Variants in TXLNB observed in about 807,000 individuals in gnomAD.
TXLNB encodes taxilin beta.
TXLNB carries 37 observed loss-of-function variants against 57.4 expected under a neutral mutation model. The ratio of observed to expected loss-of-function variants is 0.64; its 90% CI spans 0.50 to 0.85. TXLNB has a LOEUF of 0.85. Among genes scored for constraint, TXLNB ranks in the 40% least tolerant of loss-of-function variants. The pLI, the probability that TXLNB is intolerant of heterozygous loss-of-function variation, is 0.00. For synonymous variants in TXLNB, 302 were observed against 309.6 expected, an observed-to-expected ratio of 0.98 and a Z score of 0.26; for missense variants, 848 against 825.6, an observed-to-expected ratio of 1.03 and a Z score of -0.33.
Position 139,267,878 on chromosome 6 carries a change from C to T in TXLNB, c.687+2578G>A, listed in dbSNP as rs75547788. ...CAGACAAAGATTATTACTGGTCGGG[C>T]GTGGTGGCTCACACCTGTAATCCCA... On this transcript the variant is annotated intron_variant, in intron 4 of 9. Coordinates refer to ENST00000358430, the MANE Select transcript of TXLNB (RefSeq NM_153235.4). Among the ~76,000 whole-genome samples the T allele has an allele frequency of 3.9e-5, 6 of 152,138 alleles. No individual in the cohort carries two copies. The South Asian group carries it at 1.0e-3, about 26-fold the overall frequency.
chr6:139,285,605 C>T (rs1363548875), intron 2 of TXLNB, among the ~76,000 whole-genome samples: 1 of 144,702 alleles, frequency 6.9e-6, no homozygotes, highest in Non-Finnish European at 1.5e-5. Context: ...TAATTTTATC[C>T]TAGTTGGGTG....
chr6:139,286,025 T>C, intron 2 of TXLNB, among the ~76,000 whole-genome samples: 1 of 151,916 alleles, frequency 6.6e-6, no homozygotes, highest in East Asian at 1.9e-4. Context: ...TATCTTTCAG[T>C]GGCCTTGTCA....
chr6:139,283,576 CA>C (rs34392544), intron 2 of TXLNB, among the ~76,000 whole-genome samples: 6,607 of 66,238 alleles, frequency 0.1, 750 homozygotes, highest in African/African-American at 0.26. Context: ...AACTCCGTCT[CA>C]AAAAAAAAAA....
chr6:139,275,626 A>G (rs1318405674), intron 3 of TXLNB, among the ~76,000 whole-genome samples: 1 of 152,246 alleles, frequency 6.6e-6, no homozygotes, highest in Non-Finnish European at 1.5e-5. Flanking sequence ...TCTACTGCAT[A>G]ATAGTTCAGC....
chr6:139,312,041 T>C, the TXLNB span, among the ~76,000 whole-genome samples: 1 of 152,170 alleles, frequency 6.6e-6, no homozygotes, highest in Non-Finnish European at 1.5e-5. Context: ...GGGCTTAGGA[T>C]TTCAACATAC....
At chr6:139,209,310 G>A in the TXLNB span, among the ~76,000 whole-genome samples, 1 of 152,112 alleles carries the variant, frequency 6.6e-6, no homozygotes, top group African/African-American at 2.4e-5. Context: ...TGGCACAAAT[G>A]GAAACACATC....
In TXLNB at chr6:139,242,770, C is replaced by G; in HGVS notation, c.1811G>C (p.Trp604Ser). 6.2e-7 allele frequency: 1 copy of G among 1,614,146 alleles called. No individual in the cohort carries two copies. Among genetic ancestry groups the G allele is most frequent in the Non-Finnish European group, 8.5e-7 (1 of 1,180,008 alleles). ...ACCGGAAGCTTCTGCCTCTGGCTTC[C>G]AGGACGCCTGATCAGCCTGTGCTCC... Reference protein sequence around the residue: ...PVGAQADQASWKPEAEASGQA... With the variant: ...PVGAQADQASSKPEAEASGQA... Residue 604 changes from tryptophan (W) to serine (S), a missense_variant, in exon 10 of 10, where the codon TGG (tryptophan) becomes TCG (serine). Physicochemically the swap from Trp to Ser is radical, Grantham distance 177. Coordinates refer to ENST00000358430, the MANE Select transcript of TXLNB (RefSeq NM_153235.4).
the TXLNB span, among the ~76,000 whole-genome samples, chr6:139,202,371 T>A: frequency 6.6e-6 from 1 of 152,248 alleles, no homozygotes; most frequent in Non-Finnish European, 1.5e-5. Flanking sequence ...TTATTTTTAT[T>A]TTGGTTGTGT....
chr6:139,289,846 AATTT>A (rs1777266025), intron 1 of TXLNB, among the ~76,000 whole-genome samples: 1 of 152,188 alleles, frequency 6.6e-6, no homozygotes, highest in African/African-American at 2.4e-5. Flanking sequence ...AGAGCCATTG[AATTT>A]ATTTAAATAA....
rs759497767 is a variant in TXLNB, at chr6:139,242,494, G to A, written c.*32C>T. 2.3e-5 allele frequency: 34 copies of A among 1,458,446 alleles called. No individual in the cohort carries two copies. The highest frequency in any genetic ancestry group is 3.0e-5 in the Non-Finnish European group (33 of 1,104,444). The allele number at this position is 1,458,446 out of a possible 1,614,324, so 90.3% of individuals were successfully genotyped here. On this transcript the variant is annotated 3_prime_UTR_variant, in exon 10 of 10. Transcript: ENST00000358430. ...GCTGTTATGCTGAATATGCAAAGAG[G>A]CAGGAAGAAGCCTCTGAAGGCACGG...
the TXLNB span, among the ~76,000 whole-genome samples, chr6:139,211,979 GAA>G: frequency 1.3e-5 from 2 of 152,218 alleles, no homozygotes; most frequent in African/African-American, 2.4e-5. Context: ...TGGGACTAGT[GAA>G]AAGACCAAAT....
chr6:139,166,223 A>G, the TXLNB span: 121 of 1,319,478 alleles, frequency 9.2e-5, no homozygotes, highest in Non-Finnish European at 1.2e-4. Flanking sequence ...TGTTGCAAGT[A>G]CAGGTTGAGT....
chr6:139,277,188 C>T (rs1343537795), intron 2 of TXLNB: 1 of 324,160 alleles, frequency 3.1e-6, no homozygotes, highest in Non-Finnish European at 5.5e-6. Context: ...TCCCAGTTTT[C>T]ATCACAAGAA....
At chr6:139,261,666 T>C (rs545947674) in intron 5 of TXLNB, among the ~76,000 whole-genome samples, 1 of 152,178 alleles carries the variant, frequency 6.6e-6, no homozygotes, top group East Asian at 1.9e-4. Flanking sequence ...CTTGTGACTG[T>C]GGGTAAGTGG....
chr6:139,285,792 A>G lies in TXLNB; in HGVS notation c.424+2684T>C, dbSNP rs1436491937. On this transcript the variant is annotated intron_variant, in intron 2 of 9. Coordinates refer to ENST00000358430, the MANE Select transcript of TXLNB (RefSeq NM_153235.4). ...ACTCCTCCATACCAAGGTGTTCTGC[A>G]GCAGATATCTCCAACCCTCAGGCCA... Among the ~76,000 whole-genome samples the G allele has an allele frequency of 4.1e-5, 6 of 145,382 alleles. 1 individual carries two copies. Among genetic ancestry groups the G allele is most frequent in the African/African-American group, 1.3e-4 (5 of 39,506 alleles).
intron 2 of TXLNB, among the ~76,000 whole-genome samples, chr6:139,279,127 C>T (rs754535774): frequency 2.6e-4 from 39 of 152,294 alleles, no homozygotes; most frequent in Non-Finnish European, 5.1e-4. Flanking sequence ...TTTATGTATC[C>T]TGGAATACCT....
rs776682700 is a variant in TXLNB, at chr6:139,288,804, C to T, written c.96G>A (p.Lys32=). ...SSLPSHNGLE[K]EDGQDSPTPV... is the part of the protein sequence containing the mutation. ...GGGTTGGAGAATCCTGGCCATCTTC[C>T]TTCTCCAGGCCATTGTGACTGGGTA... The change falls in exon 2 of 10, where the codon AAG becomes AAA. Residue 32 remains lysine, a synonymous_variant. Coordinates refer to ENST00000358430, the MANE Select transcript of TXLNB (RefSeq NM_153235.4). 17 of 1,614,082 alleles carry T rather than the reference C, an allele frequency of 1.1e-5. No homozygotes were observed. Among genetic ancestry groups the T allele is most frequent in the Non-Finnish European group, 1.4e-5 (17 of 1,180,020 alleles).
At chr6:139,223,956 A>G in the TXLNB span, among the ~76,000 whole-genome samples, 2 of 150,176 alleles carry the variant, frequency 1.3e-5, no homozygotes, top group South Asian at 4.3e-4. Context: ...GTATCTACCC[A>G]AAGGACTATA....
the TXLNB span, among the ~76,000 whole-genome samples, chr6:139,321,705 C>CACTG: frequency 6.7e-6 from 1 of 149,154 alleles, no homozygotes; most frequent in African/African-American, 2.5e-5. Context: ...AATCTTGGCC[C>CACTG]ACTGCAAGCT....
Sources: allele counts gnomAD v4.1 joint callset (sites outside exome capture counted in the v4.1 genomes callset), GRCh38; gene constraint gnomAD v4.1.1; transcripts MANE v1.5; gene names NCBI Gene and HGNC (gene_info 2026-07-23, HGNC 2026-07-21).